Variants in LOC128462377 observed in about 807,000 individuals in gnomAD.
the LOC128462377 span, among the ~76,000 whole-genome samples, chr16:89,342,840 CCTTT>C: frequency 6.6e-6 from 1 of 152,132 alleles, no homozygotes; most frequent in Non-Finnish European, 1.5e-5. Flanking sequence ...CCTCAGAGTG[CCTTT>C]CTGTGATCGT....
the LOC128462377 span, chr16:89,322,955 C>T: frequency 3.9e-6 from 1 of 257,220 alleles, no homozygotes; most frequent in South Asian, 3.7e-5. Context: ...GCTATCCGCT[C>T]ACTTGAGCCT....
At chr16:89,352,840 C>T in the LOC128462377 span, among the ~76,000 whole-genome samples, 4 of 152,344 alleles carry the variant, frequency 2.6e-5, no homozygotes, top group Middle Eastern at 3.4e-3. Context: ...AGGGCCCCTA[C>T]CTGCTTTGTC....
chr16:89,374,834 C>T, the LOC128462377 span, among the ~76,000 whole-genome samples: 1 of 152,120 alleles, frequency 6.6e-6, no homozygotes, highest in African/African-American at 2.4e-5. Flanking sequence ...CGGCAAGTCA[C>T]CCATCGATTT....
At chr16:89,410,835 G>A in the LOC128462377 span, among the ~76,000 whole-genome samples, 1 of 152,232 alleles carries the variant, frequency 6.6e-6, no homozygotes, top group Admixed American at 6.5e-5. Context: ...GGGGTGGGGA[G>A]TGGCCAACTG....
At chr16:89,355,098 C>T in the LOC128462377 span, among the ~76,000 whole-genome samples, 988 of 152,308 alleles carry the variant, frequency 6.5e-3, 15 homozygotes, top group African/African-American at 0.022. Flanking sequence ...ATGTTGCTGA[C>T]ATTTCCTGGG....
the LOC128462377 span, among the ~76,000 whole-genome samples, chr16:89,387,457 G>T: frequency 6.6e-6 from 1 of 151,744 alleles, no homozygotes; most frequent in Non-Finnish European, 1.5e-5. Flanking sequence ...CAGATCACGA[G>T]GTCAGGAGAC....
chr16:89,415,150 C>T, the LOC128462377 span, among the ~76,000 whole-genome samples: 1 of 151,488 alleles, frequency 6.6e-6, no homozygotes, highest in Non-Finnish European at 1.5e-5. Context: ...GATGCGGTCT[C>T]GTCATGTTAC....
chr16:89,359,771 G>C, the LOC128462377 span, among the ~76,000 whole-genome samples: 1 of 152,100 alleles, frequency 6.6e-6, no homozygotes, highest in African/African-American at 2.4e-5. Context: ...TTGCATTTTA[G>C]TCTACACTAC....
chr16:89,392,434 T>C, the LOC128462377 span: 1 of 152,202 alleles, frequency 6.6e-6, no homozygotes, highest in East Asian at 1.9e-4. Context: ...TCTTACATTT[T>C]CTACAATGGG....
At chr16:89,352,067 T>G in the LOC128462377 span, among the ~76,000 whole-genome samples, 2 of 152,046 alleles carry the variant, frequency 1.3e-5, no homozygotes, top group African/African-American at 4.8e-5. Context: ...CCCAGGTAAT[T>G]TGTGTAGAGG....
chr16:89,401,844 G>A, the LOC128462377 span, among the ~76,000 whole-genome samples: 3 of 152,094 alleles, frequency 2.0e-5, no homozygotes, highest in African/African-American at 7.2e-5. Flanking sequence ...CTACAAGCCC[G>A]GGCGCACCAG....
the LOC128462377 span, among the ~76,000 whole-genome samples, chr16:89,322,902 G>A: frequency 1.3e-5 from 2 of 152,334 alleles, no homozygotes; most frequent in Admixed American, 6.5e-5. Flanking sequence ...GGAGTGCAGC[G>A]GTGTGATCAC....
At chr16:89,324,615 C>T in the LOC128462377 span, 14 of 429,138 alleles carry the variant, frequency 3.3e-5, no homozygotes, top group Non-Finnish European at 6.1e-5. Flanking sequence ...GGCAGATCTG[C>T]GGAAGCACTG....
the LOC128462377 span, among the ~76,000 whole-genome samples, chr16:89,338,926 T>A: frequency 6.6e-6 from 1 of 152,020 alleles, no homozygotes; most frequent in Non-Finnish European, 1.5e-5. Flanking sequence ...CAGATATAAA[T>A]GCGTAATTTA....
chr16:89,387,803 G>C, the LOC128462377 span, among the ~76,000 whole-genome samples: 1 of 150,750 alleles, frequency 6.6e-6, no homozygotes, highest in Non-Finnish European at 1.5e-5. Flanking sequence ...AGGGGTTCAA[G>C]ACCAGCCTGG....
At chr16:89,320,966 G>GGTGGCTTC in the LOC128462377 span, among the ~76,000 whole-genome samples, 3 of 152,370 alleles carry the variant, frequency 2.0e-5, no homozygotes, top group East Asian at 5.8e-4. Context: ...CCTCCCGGAA[G>GGTGGCTTC]GTGGCTTCAA....
chr16:89,397,352 G>A, the LOC128462377 span, among the ~76,000 whole-genome samples: 1 of 152,342 alleles, frequency 6.6e-6, no homozygotes, highest in East Asian at 1.9e-4. Context: ...CTGTCAACTG[G>A]ATGCGCATTT....
At chr16:89,380,410 C>T in the LOC128462377 span, among the ~76,000 whole-genome samples, 1 of 152,260 alleles carries the variant, frequency 6.6e-6, no homozygotes, top group East Asian at 1.9e-4. Flanking sequence ...CTGTGCCCAG[C>T]CCAATGATGC....
chr16:89,404,755 A>G, the LOC128462377 span, among the ~76,000 whole-genome samples: 2 of 152,274 alleles, frequency 1.3e-5, no homozygotes, highest in South Asian at 2.1e-4. Context: ...CCAGCTGGCC[A>G]TGTGCTCAGC....
Sources: gnomAD v4.1 joint callset for allele counts (sites outside exome capture counted in the v4.1 genomes callset) on GRCh38, gnomAD v4.1.1 for gene constraint, MANE v1.5 for transcripts.